Variants in RSPO1 observed in about 807,000 individuals in gnomAD.
The protein encoded by RSPO1 is R-spondin 1.
RSPO1 carries 18 observed loss-of-function variants against 26.0 expected under a neutral mutation model. That is an observed-to-expected ratio of 0.69 (90% CI 0.48 to 1.03). The LOEUF is 1.03. Among genes scored for constraint, RSPO1 ranks in the 50% least tolerant of loss-of-function variants. RSPO1 has a pLI of 0.00. For missense variants in RSPO1, 309 were observed against 352.3 expected (o/e 0.88, Z 0.98); for synonymous variants, 133 against 137.4 (o/e 0.97, Z 0.22).
At chr1:37,627,683 A>G (rs975421524) in intron 3 of RSPO1, among the ~76,000 whole-genome samples, 1 of 151,824 alleles carries the variant, frequency 6.6e-6, no homozygotes, top group Non-Finnish European at 1.5e-5. Context: ...ACAAAACAAA[A>G]CAAAACAAAA....
intron 3 of RSPO1, among the ~76,000 whole-genome samples, chr1:37,623,713 A>G (rs1644236009): frequency 6.6e-6 from 1 of 151,298 alleles, no homozygotes; most frequent in South Asian, 2.1e-4. Flanking sequence ...CCCCACCTCA[A>G]AAGGAAAAAA....
At chr1:37,624,785 T>C (rs1325897552) in intron 3 of RSPO1, among the ~76,000 whole-genome samples, 1 of 152,168 alleles carries the variant, frequency 6.6e-6, no homozygotes, top group Non-Finnish European at 1.5e-5. Flanking sequence ...CTATTATCTA[T>C]CAATAGCTCC....
rs1644026231 is a variant in RSPO1 at position 37,611,635 on chromosome 1, T to C, written c.*1120A>G. ...CCACTGCCCTGCCTTTGGGCAGGAT[T>C]GTCCCCAACCATCACTGGAAGCCTA... On this transcript the variant is annotated 3_prime_UTR_variant, in exon 7 of 7. Coordinates refer to ENST00000356545, the MANE Select transcript of RSPO1 (RefSeq NM_001242908.2). The C allele has an allele frequency of 6.5e-6, 1 of 152,712 alleles. No homozygotes were observed. The highest frequency in any genetic ancestry group is 2.4e-5 in the African/African-American group (1 of 41,482). 9.5% of individuals were successfully genotyped at this position (152,712 alleles called of 1,614,324 possible).
chr1:37,621,139 A>G (rs928171161), intron 3 of RSPO1, among the ~76,000 whole-genome samples: 84 of 152,142 alleles, frequency 5.5e-4, no homozygotes, highest in Admixed American at 5.3e-3. Flanking sequence ...AGTATGGCAC[A>G]CCCAGGGAAG....
At chr1:37,625,417 C>G (rs1194875167) in intron 3 of RSPO1, among the ~76,000 whole-genome samples, 1 of 152,134 alleles carries the variant, frequency 6.6e-6, no homozygotes, top group Non-Finnish European at 1.5e-5. Context: ...GGAGAGAACT[C>G]ACCGTGACCC....
chr1:37,612,671 C>G lies in RSPO1; in HGVS notation c.*84G>C. ...TGGAGTGTGTGTGTATGCTTTGCCC[C>G]CGACGTTCCAGTTCAGGAAAGCTTG... On this transcript the variant is annotated 3_prime_UTR_variant, in exon 7 of 7. Transcript: ENST00000356545. 1 of 1,462,070 alleles carries G rather than the reference C, an allele frequency of 6.8e-7. No individual in the cohort carries two copies. 90.6% of individuals were successfully genotyped at this position (1,462,070 alleles called of 1,614,324 possible). A position where few individuals can be genotyped will look rare whatever the true frequency, so the allele number is the denominator to read the frequency against.
intron 3 of RSPO1, among the ~76,000 whole-genome samples, chr1:37,617,687 A>AG: frequency 6.6e-6 from 1 of 150,582 alleles, no homozygotes. Context: ...AAAAAAAAAA[A>AG]AAGAGAGAAC....
chr1:37,612,518 G>GTGTGTGGTGTC lies in RSPO1; in HGVS notation c.*236_*237insGACACCACACA. ...GCCTCAGGTGTGTGTGTGTGTGTGT[G>GTGTGTGGTGTC]TGTATGTGTGTGTGTGGTGTCTGTG... On this transcript the variant is annotated 3_prime_UTR_variant, in exon 7 of 7. Coordinates refer to ENST00000356545, the MANE Select transcript of RSPO1 (RefSeq NM_001242908.2). 1.7e-6 allele frequency: 1 copy of GTGTGTGGTGTC among 594,690 alleles called. No homozygotes were observed. Among genetic ancestry groups the GTGTGTGGTGTC allele is most frequent in the Non-Finnish European group, 3.0e-6 (1 of 328,310 alleles). 36.8% of individuals were successfully genotyped at this position (594,690 alleles called of 1,614,324 possible).
rs1290409309 is a variant in RSPO1 at position 37,612,498 on chromosome 1, A to AGG, written c.*255_*256dup. 7 of 343,518 alleles carry AGG rather than the reference A, an allele frequency of 2.0e-5. No individual in the cohort carries two copies. The highest frequency in any genetic ancestry group is 1.7e-4 in the South Asian group (5 of 28,572). The allele number at this position is 343,518 out of a possible 1,614,324, so 21.3% of individuals were successfully genotyped here. On this transcript the variant is annotated 3_prime_UTR_variant, in exon 7 of 7. Coordinates refer to ENST00000356545, the MANE Select transcript of RSPO1 (RefSeq NM_001242908.2). ...GATGGAAGTGTCTTCTGGTGGCCTC[A>AGG]GGTGTGTGTGTGTGTGTGTGTGTAT...
chr1:37,614,073 TA>T, intron 5 of RSPO1, 110 bp downstream of exon 5: 1 of 1,365,864 alleles, frequency 7.3e-7, no homozygotes, highest in Non-Finnish European at 1.0e-6. Context: ...AGTGGTAGGG[TA>T]AGCTCTCCCT....
intron 3 of RSPO1, among the ~76,000 whole-genome samples, chr1:37,617,700 TC>T (rs1207131592): frequency 3.8e-5 from 5 of 131,620 alleles, no homozygotes; most frequent in Non-Finnish European, 7.9e-5. Context: ...GAGAGAACCA[TC>T]TTTTGAGGCT....
chr1:37,615,363 G>T (rs1644095171), intron 4 of RSPO1, among the ~76,000 whole-genome samples: 1 of 152,136 alleles, frequency 6.6e-6, no homozygotes, highest in Admixed American at 6.5e-5. Context: ...GACACTAAGG[G>T]CTTTACATGC....
At chr1:37,618,960 G>A (rs944817287) in intron 3 of RSPO1, among the ~76,000 whole-genome samples, 3 of 152,148 alleles carry the variant, frequency 2.0e-5, no homozygotes, top group Non-Finnish European at 2.9e-5. Context: ...AGTAGCTCAC[G>A]CCTAGAATCC....
chr1:37,632,907 T>C (rs538638053), intron 1 of RSPO1, among the ~76,000 whole-genome samples: 3 of 152,352 alleles, frequency 2.0e-5, no homozygotes, highest in Non-Finnish European at 4.4e-5. Context: ...TAGAGTCCTC[T>C]GTCTGATTTC....
chr1:37,628,221 G>A (rs942395749), intron 3 of RSPO1, among the ~76,000 whole-genome samples: 1 of 152,164 alleles, frequency 6.6e-6, no homozygotes, highest in African/African-American at 2.4e-5. Context: ...GGAAATAGAG[G>A]AGACCGATTA....
chr1:37,619,203 A>G (rs141223139), intron 3 of RSPO1, among the ~76,000 whole-genome samples: 2,053 of 152,336 alleles, frequency 0.013, 12 homozygotes, highest in Non-Finnish European at 0.021. Flanking sequence ...AGCCTGAGTG[A>G]CAGAGCAAGA....
chr1:37,624,922 A>G (rs1459919661), intron 3 of RSPO1, among the ~76,000 whole-genome samples: 1 of 152,162 alleles, frequency 6.6e-6, no homozygotes, highest in Non-Finnish European at 1.5e-5. Flanking sequence ...TTCTCTGGAC[A>G]TGTCGCACTA....
chr1:37,624,435 C>A (rs569116761), intron 3 of RSPO1, among the ~76,000 whole-genome samples: 2 of 152,140 alleles, frequency 1.3e-5, no homozygotes, highest in African/African-American at 4.8e-5. Context: ...ACTTCTTCAG[C>A]ACCCCCAGCT....
At position 37,627,665 on chromosome 1, in the gene RSPO1, A is replaced by G. The variant is rs569750376; in HGVS notation, c.94+1903T>C. 2.4e-3 allele frequency among the ~76,000 whole-genome samples: 362 copies of G among 151,650 alleles called. 2 individuals carry two copies. Among genetic ancestry groups the G allele is most frequent in the African/African-American group, 8.3e-3 (343 of 41,330 alleles). On this transcript the variant is annotated intron_variant, in intron 3 of 6. Transcript: ENST00000356545. ...ACTCCATCACAAAACAAAACAAAAC[A>G]AAACAAAACAAAACAAAACAAAACA...
Sources: allele counts gnomAD v4.1 joint callset (sites outside exome capture counted in the v4.1 genomes callset), GRCh38; gene constraint gnomAD v4.1.1; transcripts MANE v1.5; gene names NCBI Gene and HGNC (gene_info 2026-07-23, HGNC 2026-07-21).